The following SPATA16 variants were observed in gnomAD, a reference collection of about 807,000 sequenced individuals.
SPATA16 encodes the protein spermatogenesis-associated protein 16.
SPATA16 carries 36 observed loss-of-function variants against 63.3 expected under a neutral mutation model. The ratio of observed to expected loss-of-function variants is 0.57; its 90% CI spans 0.44 to 0.75. The LOEUF (loss-of-function observed/expected upper bound fraction) is 0.75. Among genes scored for constraint, SPATA16 ranks in the 30% least tolerant of loss-of-function variants. The pLI, the probability that SPATA16 is intolerant of heterozygous loss-of-function variation, is 0.00. For missense variants in SPATA16, 646 were observed against 679.3 expected (o/e 0.95, Z 0.54); for synonymous variants, 203 against 216.7 (o/e 0.94, Z 0.56).
At chr3:173,029,244 A>G (rs1312604731) in intron 3 of SPATA16, among the ~76,000 whole-genome samples, 2 of 152,020 alleles carry the variant, frequency 1.3e-5, no homozygotes, top group Non-Finnish European at 2.9e-5. Flanking sequence ...AAAATTTCTT[A>G]TAATGCATTA....
At chr3:173,084,988 C>A (rs1737013777) in intron 2 of SPATA16, among the ~76,000 whole-genome samples, 1 of 152,024 alleles carries the variant, frequency 6.6e-6, no homozygotes, top group Non-Finnish European at 1.5e-5. Flanking sequence ...TTGGGATTGT[C>A]CTGGTTATGT....
At chr3:173,046,177 T>C (rs1735951891) in intron 3 of SPATA16, among the ~76,000 whole-genome samples, 1 of 152,054 alleles carries the variant, frequency 6.6e-6, no homozygotes, top group Non-Finnish European at 1.5e-5. Flanking sequence ...TTCAAAAACC[T>C]TCTGATAAAC....
chr3:172,935,807 G>A (rs1446435308), intron 6 of SPATA16, among the ~76,000 whole-genome samples: 2 of 152,120 alleles, frequency 1.3e-5, no homozygotes, highest in Non-Finnish European at 2.9e-5. Flanking sequence ...TTTCACTATA[G>A]GCATGTGGGT....
At chr3:173,045,831 C>T (rs1256426991) in intron 3 of SPATA16, among the ~76,000 whole-genome samples, 1 of 151,920 alleles carries the variant, frequency 6.6e-6, no homozygotes, top group Admixed American at 6.6e-5. Context: ...CACTGCCTAG[C>T]ACAGGAATAG....
chr3:173,010,251 C>T (rs559443723), intron 4 of SPATA16, among the ~76,000 whole-genome samples: 1 of 152,290 alleles, frequency 6.6e-6, no homozygotes, highest in East Asian at 1.9e-4. Context: ...ATTGTGCCCC[C>T]CTCTGTTGCC....
At chr3:173,029,969 A>G (rs1189955756) in intron 3 of SPATA16, among the ~76,000 whole-genome samples, 1 of 152,084 alleles carries the variant, frequency 6.6e-6, no homozygotes, top group Non-Finnish European at 1.5e-5. Context: ...CCATTAATAA[A>G]TTTGAAAAGC....
intron 2 of SPATA16, among the ~76,000 whole-genome samples, chr3:173,093,984 C>T (rs1737288101): frequency 6.6e-6 from 1 of 151,676 alleles, no homozygotes; most frequent in Non-Finnish European, 1.5e-5. Flanking sequence ...TTCTGATTTA[C>T]TTCATTTTCC....
At chr3:172,967,484 T>C (rs970561581) in intron 5 of SPATA16, among the ~76,000 whole-genome samples, 1 of 152,248 alleles carries the variant, frequency 6.6e-6, no homozygotes, top group Non-Finnish European at 1.5e-5. Flanking sequence ...TTTATTTATA[T>C]GTTATTTTCA....
At chr3:172,935,645 A>G (rs541003456) in intron 6 of SPATA16, among the ~76,000 whole-genome samples, 1 of 152,356 alleles carries the variant, frequency 6.6e-6, no homozygotes, top group African/African-American at 2.4e-5. Flanking sequence ...TACACAGTCA[A>G]TTATAATACA....
chr3:172,956,939 AG>A, intron 5 of SPATA16, 115 bp from the exon 6 acceptor site: 1 of 1,261,358 alleles, frequency 7.9e-7, no homozygotes, highest in South Asian at 1.4e-5. Context: ...TGTACTGCAA[AG>A]ATAACATATT....
intron 3 of SPATA16, among the ~76,000 whole-genome samples, chr3:173,021,495 G>A (rs1735330297): frequency 6.6e-6 from 1 of 152,090 alleles, no homozygotes; most frequent in Non-Finnish European, 1.5e-5. Flanking sequence ...GATCACATGG[G>A]TTCATTTAAT....
chr3:173,009,045 A>T (rs940037580), intron 4 of SPATA16, among the ~76,000 whole-genome samples: 1 of 152,222 alleles, frequency 6.6e-6, no homozygotes, highest in Admixed American at 6.5e-5. Flanking sequence ...TACTGAACTC[A>T]TTCATTTCAT....
intron 3 of SPATA16, among the ~76,000 whole-genome samples, chr3:173,025,536 A>C (rs887322545): frequency 6.6e-6 from 1 of 151,936 alleles, no homozygotes; most frequent in Non-Finnish European, 1.5e-5. Flanking sequence ...CGACAAATAC[A>C]TAGCCATCAA....
intron 6 of SPATA16, 42 bp from the exon 7 acceptor site, chr3:172,925,534 T>C (rs1330586319): frequency 9.9e-6 from 16 of 1,613,094 alleles, no homozygotes. Flanking sequence ...TTTGTTATGG[T>C]TTTAATATTT....
chr3:172,931,968 T>C (rs1211009101), intron 6 of SPATA16, among the ~76,000 whole-genome samples: 1 of 152,144 alleles, frequency 6.6e-6, no homozygotes, highest in Non-Finnish European at 1.5e-5. Context: ...ATTGGATTAA[T>C]GGGGAGAGTT....
At chr3:172,954,399 AC>A (rs1299060466) in intron 6 of SPATA16, among the ~76,000 whole-genome samples, 1 of 152,178 alleles carries the variant, frequency 6.6e-6, no homozygotes, top group Non-Finnish European at 1.5e-5. Context: ...CATGCCCTTG[AC>A]ACTTGGGGGT....
intron 2 of SPATA16, among the ~76,000 whole-genome samples, chr3:173,058,164 A>G (rs1443681942): frequency 1.3e-5 from 2 of 152,084 alleles, no homozygotes; most frequent in African/African-American, 2.4e-5. Context: ...CCATACTACT[A>G]TGTAATCTGC....
chr3:173,046,600 A>G (rs1041783395), intron 3 of SPATA16, among the ~76,000 whole-genome samples: 1 of 152,048 alleles, frequency 6.6e-6, no homozygotes, highest in Non-Finnish European at 1.5e-5. Context: ...AATGCAAAAA[A>G]GGAATATTTT....
intron 4 of SPATA16, among the ~76,000 whole-genome samples, chr3:173,016,312 T>C (rs1485202360): frequency 6.6e-6 from 1 of 152,082 alleles, no homozygotes; most frequent in Non-Finnish European, 1.5e-5. Flanking sequence ...CCACAGGGAG[T>C]AGCATTTCCT....
Sources: gnomAD v4.1 joint callset for allele counts (sites outside exome capture counted in the v4.1 genomes callset) on GRCh38, gnomAD v4.1.1 for gene constraint, MANE v1.5 for transcripts, NCBI Gene and HGNC (gene_info 2026-07-23, HGNC 2026-07-21) for gene names.